Variants in ANXA11 observed in about 807,000 individuals in gnomAD.
ANXA11 encodes 56 kDa autoantigen.
A neutral mutation model predicts 64.7 loss-of-function variants in ANXA11; 57 were observed. That is an observed-to-expected ratio of 0.88 (90% CI 0.71 to 1.10). The LOEUF is 1.10. ANXA11 is among the 50% of genes least tolerant of loss of function. The probability of loss-of-function intolerance (pLI) is 0.00; values close to 1 mark genes in which losing one functional copy is unlikely to be tolerated. For missense variants in ANXA11, 675 were observed against 670.7 expected (o/e 1.01, Z -0.07); for synonymous variants, 260 against 265.2 (o/e 0.98, Z 0.19).
intron 1 of ANXA11, among the ~76,000 whole-genome samples, chr10:80,189,129 C>A (rs1374918656): frequency 6.6e-6 from 1 of 152,168 alleles, no homozygotes; most frequent in African/African-American, 2.4e-5. Context: ...GGGAGACTAG[C>A]CTAGATTATC....
chr10:80,190,494 T>TTC (rs1554835158), intron 1 of ANXA11, among the ~76,000 whole-genome samples: 25 of 149,786 alleles, frequency 1.7e-4, no homozygotes, highest in African/African-American at 5.4e-4. Flanking sequence ...ATTTTTTTTT[T>TTC]TTTTTTTTTG....
rs1479111376 is a variant in ANXA11, at chr10:80,154,532, TTC to T, written c.*1319_*1320del. 2.0e-5 allele frequency: 3 copies of T among 152,270 alleles called. No homozygotes were observed. Among genetic ancestry groups the T allele is most frequent in the Non-Finnish European group, 4.4e-5 (3 of 68,070 alleles). 9.4% of individuals were successfully genotyped at this position (152,270 alleles called of 1,614,324 possible). On this transcript the variant is annotated 3_prime_UTR_variant, in exon 16 of 16. Transcript: ENST00000422982. ...GGCGTGAGCCATAGTGCCTAGTCGATTCTCTCTTTTCTAAACCTCAACGCAGG... is the reference window on the plus strand; with the variant it reads ...GGCGTGAGCCATAGTGCCTAGTCGATTCTCTTTTCTAAACCTCAACGCAGG...
chr10:80,168,724 A>G (rs1845844991), intron 5 of ANXA11, among the ~76,000 whole-genome samples: 1 of 152,002 alleles, frequency 6.6e-6, no homozygotes, highest in Non-Finnish European at 1.5e-5. Flanking sequence ...TTTAGTAGAG[A>G]TAGGGTTTCA....
At position 80,168,949 on chromosome 10, in the gene ANXA11, G is replaced by C; in HGVS notation, c.561+20C>G. 6.6e-7 allele frequency: 1 copy of C among 1,506,012 alleles called. No homozygotes were observed. 93.3% of individuals were successfully genotyped at this position (1,506,012 alleles called of 1,614,324 possible). ...TGGGGCCCAGGCCTGGACCAAGGGAGGCAGTGGGCTGACACTCACCTGGGT... is the reference window on the plus strand; with the variant it reads ...TGGGGCCCAGGCCTGGACCAAGGGACGCAGTGGGCTGACACTCACCTGGGT... On this transcript the variant is annotated intron_variant, in intron 5 of 15. Transcript: ENST00000422982.
intron 8 of ANXA11, 34 bp from the exon 9 acceptor site, chr10:80,164,177 T>G: frequency 6.4e-7 from 1 of 1,573,740 alleles, no homozygotes; most frequent in Non-Finnish European, 8.7e-7. Context: ...AACCATGTGC[T>G]TGTTCCAGCA....
chr10:80,167,136 C>T, intron 6 of ANXA11, 90 bp downstream of exon 6: 1 of 1,393,916 alleles, frequency 7.2e-7, no homozygotes, highest in Non-Finnish European at 1.0e-6. Context: ...GGTCAGCGTC[C>T]CCCAGCTACC....
At chr10:80,184,574 C>CGAGA (rs568086980) in intron 1 of ANXA11, among the ~76,000 whole-genome samples, 35 of 151,338 alleles carry the variant, frequency 2.3e-4, no homozygotes, top group East Asian at 3.9e-4. Context: ...ATAACTAATA[C>CGAGA]GAGAGAGAGA....
At position 80,163,419 on chromosome 10, in the gene ANXA11, G is replaced by A. The variant is rs745518842; in HGVS notation, c.1030-14C>T. The stretch of plus-strand genomic sequence containing the variant: ...ATCACGGTTTCCCTGAAAGGAAGCA[G>A]GTGTATGGTCATGCCCACTCCTTCC... On this transcript the variant is annotated splice_polypyrimidine_tract_variant and intron_variant, in intron 10 of 15. Coordinates refer to ENST00000422982, the MANE Select transcript of ANXA11 (RefSeq NM_145868.2). 13 of 1,613,974 alleles carry A rather than the reference G, an allele frequency of 8.1e-6. No individual in the cohort carries two copies. Among genetic ancestry groups the A allele is most frequent in the Non-Finnish European group, 1.1e-5 (13 of 1,180,044 alleles).
At chr10:80,158,239 C>T (rs916432626) in intron 13 of ANXA11, among the ~76,000 whole-genome samples, 9 of 152,202 alleles carry the variant, frequency 5.9e-5, no homozygotes, top group East Asian at 3.9e-4. Flanking sequence ...AACCAACCCA[C>T]CCTCTTTCCT....
intron 1 of ANXA11, among the ~76,000 whole-genome samples, chr10:80,196,645 C>T (rs78875328): frequency 6.6e-6 from 1 of 152,190 alleles, no homozygotes; most frequent in Non-Finnish European, 1.5e-5. Context: ...CAATGTCCTG[C>T]CCTTGCTGGT....
In ANXA11 at chr10:80,155,713, A is replaced by G; in HGVS notation, c.*140T>C. 1.2e-6 allele frequency: 1 copy of G among 846,310 alleles called. No homozygotes were observed. The highest frequency in any genetic ancestry group is 1.8e-5 in the Admixed American group (1 of 55,170). The allele number at this position is 846,310 out of a possible 1,614,324, so 52.4% of individuals were successfully genotyped here. A position where few individuals can be genotyped will look rare whatever the true frequency, so the allele number is the denominator to read the frequency against. On this transcript the variant is annotated 3_prime_UTR_variant, in exon 16 of 16. Transcript: ENST00000422982. Reference sequence around the variant, plus strand: ...CCTGTGGCACACTATACGGGTCAGGAGGGGTGGAAGACAGGCCTAAGCTCT... The same window carrying G: ...CCTGTGGCACACTATACGGGTCAGGGGGGGTGGAAGACAGGCCTAAGCTCT...
At chr10:80,161,883 C>A (rs1411423221) in intron 12 of ANXA11, 52 bp downstream of exon 12, 4 of 1,472,654 alleles carry the variant, frequency 2.7e-6, no homozygotes, top group African/African-American at 2.8e-5. Flanking sequence ...TCCCCACAAT[C>A]CCCTGACTGC....
chr10:80,186,544 C>T (rs1846547268), intron 1 of ANXA11, among the ~76,000 whole-genome samples: 1 of 152,180 alleles, frequency 6.6e-6, no homozygotes, highest in South Asian at 2.1e-4. Flanking sequence ...AGGGAGGCCA[C>T]CGGGCAGGGA....
At chr10:80,203,676 G>A (rs545817454) in intron 1 of ANXA11, among the ~76,000 whole-genome samples, 155 of 152,220 alleles carry the variant, frequency 1.0e-3, no homozygotes, top group African/African-American at 3.5e-3. Context: ...TATGCAAGGC[G>A]AGAGATGAGA....
In ANXA11 at chr10:80,167,167, G is replaced by C. The variant is rs1845778604; in HGVS notation, c.649+59C>G. ...CTACCCCAGCCCACAGAGCCACAGTGAAACTGCCTGGGAAATAGGGGGCAG... is the reference window on the plus strand; with the variant it reads ...CTACCCCAGCCCACAGAGCCACAGTCAAACTGCCTGGGAAATAGGGGGCAG... On this transcript the variant is annotated intron_variant, in intron 6 of 15. Transcript: ENST00000422982. The C allele has an allele frequency of 2.6e-6, 4 of 1,561,330 alleles. No individual in the cohort carries two copies. The African/African-American group carries it at 5.4e-5, about 21-fold the overall frequency.
chr10:80,162,093 A>C, intron 11 of ANXA11, 65 bp from the exon 12 acceptor site: 2 of 1,375,052 alleles, frequency 1.5e-6, no homozygotes, highest in Non-Finnish European at 2.0e-6. Flanking sequence ...CAGGTCACCC[A>C]GGAGAGCCTG....
chr10:80,156,173 A>G (rs1415495615), intron 15 of ANXA11, among the ~76,000 whole-genome samples: 2 of 152,208 alleles, frequency 1.3e-5, no homozygotes, highest in Admixed American at 6.5e-5. Flanking sequence ...AAAAATTATA[A>G]TCATCCTAAA....
At chr10:80,161,709 C>T (rs1276092792) in intron 12 of ANXA11, among the ~76,000 whole-genome samples, 1 of 152,252 alleles carries the variant, frequency 6.6e-6, no homozygotes, top group Admixed American at 6.5e-5. Context: ...TTCCCACGTA[C>T]AAAGACACCA....
intron 1 of ANXA11, among the ~76,000 whole-genome samples, chr10:80,185,014 A>G (rs956851723): frequency 2.0e-5 from 3 of 152,316 alleles, no homozygotes; most frequent in Admixed American, 1.3e-4. Flanking sequence ...AGATTATTTA[A>G]GTATCAAATA....
Sources: gnomAD v4.1 joint callset for allele counts (sites outside exome capture counted in the v4.1 genomes callset) on GRCh38, gnomAD v4.1.1 for gene constraint, MANE v1.5 for transcripts, NCBI Gene and HGNC (gene_info 2026-07-23, HGNC 2026-07-21) for gene names.